The following NSRP1 variants were observed in gnomAD, a reference collection of about 807,000 sequenced individuals.
NSRP1 encodes the protein nuclear speckle splicing regulatory protein 1.
Under a neutral mutation model 54.7 loss-of-function variants are expected in NSRP1, and 24 were observed. That is an observed-to-expected ratio of 0.44 (90% confidence interval 0.32 to 0.62). NSRP1 has a LOEUF of 0.62. Ranked by LOEUF, NSRP1 falls within the 20% of genes least tolerant of loss-of-function variation. NSRP1 has a pLI of 0.06. For synonymous variants in NSRP1, 210 were observed against 213.8 expected, an observed-to-expected ratio of 0.98 and a Z score of 0.15; for missense variants, 596 against 651.2, an observed-to-expected ratio of 0.92 and a Z score of 0.92.
intron 2 of NSRP1, among the ~76,000 whole-genome samples, chr17:30,134,602 G>A (rs189247296): frequency 6.6e-6 from 1 of 152,082 alleles, no homozygotes; most frequent in African/African-American, 2.4e-5. Context: ...AGGAAACTAG[G>A]GTGTCAAGAA....
intron 2 of NSRP1, chr17:30,150,679 T>G (rs2071899401): frequency 6.8e-6 from 1 of 146,108 alleles, no homozygotes; most frequent in Admixed American, 7.1e-5. Context: ...CGTTTTTTGT[T>G]GTTGGTTTTT....
At chr17:30,182,716 C>T (rs942916605) in intron 6 of NSRP1, among the ~76,000 whole-genome samples, 3 of 150,968 alleles carry the variant, frequency 2.0e-5, no homozygotes, top group Non-Finnish European at 4.4e-5. Flanking sequence ...GGGCGGATTG[C>T]GAGGTCAGGA....
chr17:30,143,739 T>A (rs1431555662), intron 2 of NSRP1, among the ~76,000 whole-genome samples: 1 of 152,178 alleles, frequency 6.6e-6, no homozygotes, highest in African/African-American at 2.4e-5. Flanking sequence ...GTATATATGT[T>A]TTCACTAAAG....
At chr17:30,154,139 A>C (rs983941655) in intron 2 of NSRP1, among the ~76,000 whole-genome samples, 1 of 151,608 alleles carries the variant, frequency 6.6e-6, no homozygotes, top group Non-Finnish European at 1.5e-5. Context: ...TGGGTAACAT[A>C]CTGAGACCCC....
chr17:30,184,620 G>A lies in NSRP1; in HGVS notation c.623G>A (p.Gly208Asp), dbSNP rs1165027669. 10 of 1,558,762 alleles carry A rather than the reference G, an allele frequency of 6.4e-6. No homozygotes were observed. The highest frequency in any genetic ancestry group is 6.9e-6 in the Non-Finnish European group (8 of 1,154,736). Reference protein sequence around the residue: ...PKCSFREARSGIKEEKSRGFS... With the variant: ...PKCSFREARSDIKEEKSRGFS... ...TTTTGTTTTTTGTTTCTAAGATCTG[G>A]TATAAAGGAAGAAAAATCAAGGGGC... is the stretch of plus-strand genomic sequence containing the variant. Residue 208 changes from glycine to aspartate, a missense_variant, in exon 7 of 7, where the codon GGT becomes GAT. Transcript: ENST00000247026.
chr17:30,177,578 G>C (rs1421025148), intron 3 of NSRP1, among the ~76,000 whole-genome samples: 2 of 151,988 alleles, frequency 1.3e-5, no homozygotes, highest in Non-Finnish European at 2.9e-5. Context: ...TAAAGGCAGA[G>C]ACTTTATGTT....
intron 2 of NSRP1, among the ~76,000 whole-genome samples, chr17:30,135,086 G>A (rs1040922352): frequency 4.6e-5 from 7 of 152,072 alleles, no homozygotes; most frequent in African/African-American, 1.7e-4. Flanking sequence ...AATTTGTGGA[G>A]TGGCTTTTAC....
chr17:30,151,961 GT>G, intron 2 of NSRP1, among the ~76,000 whole-genome samples: 1 of 151,542 alleles, frequency 6.6e-6, no homozygotes, highest in Admixed American at 6.6e-5. Flanking sequence ...TAGATACAGG[GT>G]TTCTCCATGT....
intron 2 of NSRP1, among the ~76,000 whole-genome samples, chr17:30,129,764 G>T (rs2071683446): frequency 6.6e-6 from 1 of 152,138 alleles, no homozygotes; most frequent in African/African-American, 2.4e-5. Context: ...ATATAGTCTA[G>T]TATAGTTCAA....
At chr17:30,147,434 TTTTG>T (rs778690532) in intron 2 of NSRP1, among the ~76,000 whole-genome samples, 10 of 149,656 alleles carry the variant, frequency 6.7e-5, no homozygotes, top group Non-Finnish European at 1.5e-4. Context: ...TCGGCCAGAC[TTTTG>T]TTTGTTTGGT....
chr17:30,151,927 G>GC (rs1239246587), intron 2 of NSRP1, among the ~76,000 whole-genome samples: 6 of 151,232 alleles, frequency 4.0e-5, no homozygotes, highest in Admixed American at 1.3e-4. Flanking sequence ...GCGCCACCAC[G>GC]CCCGGGTAAT....
chr17:30,148,725 G>A (rs2071879216), intron 2 of NSRP1, among the ~76,000 whole-genome samples: 1 of 152,176 alleles, frequency 6.6e-6, no homozygotes, highest in African/African-American at 2.4e-5. Flanking sequence ...CAGAGGAGAT[G>A]GTTCTAAGTT....
At chr17:30,160,884 C>G (rs182174949) in intron 2 of NSRP1, among the ~76,000 whole-genome samples, 1 of 152,144 alleles carries the variant, frequency 6.6e-6, no homozygotes, top group African/African-American at 2.4e-5. Flanking sequence ...ACTAAAATAT[C>G]TTCACTTCTG....
intron 2 of NSRP1, among the ~76,000 whole-genome samples, chr17:30,166,514 T>A (rs146665656): frequency 6.6e-6 from 1 of 152,118 alleles, no homozygotes; most frequent in Non-Finnish European, 1.5e-5. Flanking sequence ...TTTGAAAAAA[T>A]TTTATACAAG....
intron 2 of NSRP1, among the ~76,000 whole-genome samples, chr17:30,159,352 T>A (rs1345606803): frequency 6.6e-6 from 1 of 150,462 alleles, no homozygotes; most frequent in Non-Finnish European, 1.5e-5. Flanking sequence ...TTTTAAGAGG[T>A]TTTTTTTGTG....
At chr17:30,129,063 T>G (rs2071677218) in intron 2 of NSRP1, among the ~76,000 whole-genome samples, 1 of 151,882 alleles carries the variant, frequency 6.6e-6, no homozygotes, top group South Asian at 2.1e-4. Context: ...TGGCATGATT[T>G]TTTTTTTTAT....
rs1555582539 is a variant in NSRP1, at chr17:30,172,014, T to TCACA, written c.115-527_115-524dup. Among the ~76,000 whole-genome samples the TCACA allele has an allele frequency of 7.0e-3, 915 of 131,042 alleles. 20 individuals are homozygous for TCACA. The highest frequency in any genetic ancestry group is 0.016 in the East Asian group (61 of 3,864). The allele number at this position is 131,042 out of a possible 152,430, so 86.0% of individuals were successfully genotyped here. A position where few individuals can be genotyped will look rare whatever the true frequency, so the allele number is the denominator to read the frequency against. ...CTCTCTCTCTCTCTCTCTCTCTCTC[T>TCACA]CACATGTTCACATGAAGCAAATTGA... is the stretch of plus-strand genomic sequence containing the variant. On this transcript the variant is annotated intron_variant, in intron 2 of 6. Transcript: ENST00000247026.
chr17:30,181,416 T>G (rs868139576), intron 6 of NSRP1, among the ~76,000 whole-genome samples: 3,301 of 123,212 alleles, frequency 0.027, 116 homozygotes, highest in African/African-American at 0.097. Flanking sequence ...TTTTTTTTTT[T>G]GAGGCAGAGT....
intron 2 of NSRP1, among the ~76,000 whole-genome samples, chr17:30,145,385 C>A (rs1331524839): frequency 1.3e-5 from 2 of 152,262 alleles, no homozygotes; most frequent in African/African-American, 4.8e-5. Flanking sequence ...GAGGTTGAGA[C>A]CATTCTGGCC....
Sources: allele counts gnomAD v4.1 joint callset (sites outside exome capture counted in the v4.1 genomes callset), GRCh38; gene constraint gnomAD v4.1.1; transcripts MANE v1.5; gene names NCBI Gene and HGNC (gene_info 2026-07-23, HGNC 2026-07-21).